Variants in FRAS1 observed in about 807,000 individuals in gnomAD.
FRAS1 encodes the protein extracellular matrix organizing protein FRAS1.
Under a neutral mutation model 435.2 loss-of-function variants are expected in FRAS1, and 290 were observed. The observed-to-expected ratio is 0.67, with a 90% CI of 0.61 to 0.73. The LOEUF (loss-of-function observed/expected upper bound fraction) is 0.73, where lower values mean the gene tolerates loss of function less well. Among genes scored for constraint, FRAS1 ranks in the 30% least tolerant of loss-of-function variants. FRAS1 has a pLI of 0.00. For missense variants in FRAS1, 4,860 were observed against 5,001.5 expected (o/e 0.97, Z 0.85); for synonymous variants, 1,800 against 1,851.0 (o/e 0.97, Z 0.71).
At chr4:78,449,018 T>C (rs1262654244) in intron 44 of FRAS1, among the ~76,000 whole-genome samples, 2 of 152,236 alleles carry the variant, frequency 1.3e-5, no homozygotes, top group African/African-American at 2.4e-5. Flanking sequence ...TTGGAAAACT[T>C]GGTAGTTCTC....
chr4:78,105,407 T>A (rs914556513), intron 2 of FRAS1, among the ~76,000 whole-genome samples: 1 of 152,192 alleles, frequency 6.6e-6, no homozygotes, highest in African/African-American at 2.4e-5. Flanking sequence ...TTTATTTTTT[T>A]CTCTCTCAAT....
At chr4:78,469,938 C>A (rs1455879153) in intron 50 of FRAS1, 40 bp from the exon 51 acceptor site, 2 of 1,440,664 alleles carry the variant, frequency 1.4e-6, no homozygotes, top group Non-Finnish European at 9.7e-7. Flanking sequence ...ACTTCAGGTA[C>A]TTGTGAATGA....
At chr4:78,366,600 G>T (rs1731279145) in intron 22 of FRAS1, among the ~76,000 whole-genome samples, 1 of 152,186 alleles carries the variant, frequency 6.6e-6, no homozygotes, top group South Asian at 2.1e-4. Context: ...GTTTAAGAAG[G>T]TGATTGAACC....
chr4:78,088,035 G>C (rs1345023707), intron 2 of FRAS1, among the ~76,000 whole-genome samples: 2 of 152,134 alleles, frequency 1.3e-5, no homozygotes, highest in Non-Finnish European at 2.9e-5. Flanking sequence ...ATACTACAAG[G>C]CTGGTACTGG....
intron 29 of FRAS1, among the ~76,000 whole-genome samples, chr4:78,392,265 T>A (rs1023052726): frequency 6.6e-6 from 1 of 152,192 alleles, no homozygotes; most frequent in African/African-American, 2.4e-5. Flanking sequence ...ATAGCTATGA[T>A]ATAAATGAGA....
chr4:78,160,855 G>A (rs539079850), intron 2 of FRAS1, among the ~76,000 whole-genome samples: 2 of 152,220 alleles, frequency 1.3e-5, no homozygotes, highest in South Asian at 4.2e-4. Context: ...ATAAAAAGAT[G>A]GGCTGGGCAC....
At chr4:78,387,299 A>G in intron 28 of FRAS1, 76 bp from the exon 29 acceptor site, 2 of 1,069,206 alleles carry the variant, frequency 1.9e-6, no homozygotes, top group Non-Finnish European at 2.8e-6. Flanking sequence ...GTATAGGAAT[A>G]ACAATCAGGT....
intron 41 of FRAS1, among the ~76,000 whole-genome samples, chr4:78,443,657 T>C (rs969869551): frequency 1.3e-5 from 2 of 152,236 alleles, no homozygotes; most frequent in Admixed American, 6.5e-5. Flanking sequence ...TCATATGTTC[T>C]GTTTAAGAAA....
At chr4:78,240,034 A>G (rs888033176) in intron 3 of FRAS1, among the ~76,000 whole-genome samples, 1 of 151,998 alleles carries the variant, frequency 6.6e-6, no homozygotes, top group Non-Finnish European at 1.5e-5. Context: ...AACACCTGAC[A>G]CATGGTAGGC....
At chr4:78,077,717 T>G (rs1740713306) in intron 2 of FRAS1, among the ~76,000 whole-genome samples, 1 of 152,128 alleles carries the variant, frequency 6.6e-6, no homozygotes, top group Non-Finnish European at 1.5e-5. Flanking sequence ...GTCTCAATTG[T>G]TTCACTTATA....
At chr4:78,403,357 C>CT (rs1222669066) in intron 30 of FRAS1, among the ~76,000 whole-genome samples, 1 of 152,100 alleles carries the variant, frequency 6.6e-6, no homozygotes, top group Non-Finnish European at 1.5e-5. Context: ...TGCTGTAACT[C>CT]TTTTAATTAA....
chr4:78,407,547 A>G lies in FRAS1; in HGVS notation c.4130-116A>G, dbSNP rs1427425657. 61 of 771,994 alleles carry G rather than the reference A, an allele frequency of 7.9e-5. No individual in the cohort carries two copies. In the East Asian group the frequency reaches 1.6e-3, roughly 20 times the overall value. The allele number at this position is 771,994 out of a possible 1,614,324, so 47.8% of individuals were successfully genotyped here. A position where few individuals can be genotyped will look rare whatever the true frequency, so the allele number is the denominator to read the frequency against. On this transcript the variant is annotated intron_variant, in intron 30 of 73. Transcript: ENST00000512123. ...ATCCTCTCCTTCACCTTAGACAAAA[A>G]TAAAGAAGTACATCATTTCTTTCTA...
Position 78,245,289 on chromosome 4 carries a change from TC to T in FRAS1, c.275del (p.Pro92GlnfsTer83). The part of the protein sequence containing the change: ...QCCPECVLRT[P>X]GSCHHEKKIH... ...GCTGTCCTGAGTGTGTTTTGAGGAC[TC>T]CAGGATCTTGCCATCATGAAAAGAA... On this transcript the variant is annotated frameshift_variant, in exon 4 of 74. Coordinates refer to ENST00000512123, the MANE Select transcript of FRAS1 (RefSeq NM_025074.7). LOFTEE classifies it high-confidence loss of function. 1.9e-6 allele frequency: 3 copies of T among 1,608,802 alleles called. No individual in the cohort carries two copies. The highest frequency in any genetic ancestry group is 2.2e-5 in the South Asian group (2 of 89,624).
At chr4:78,114,023 A>G (rs1207935449) in intron 2 of FRAS1, among the ~76,000 whole-genome samples, 3 of 152,110 alleles carry the variant, frequency 2.0e-5, no homozygotes, top group Non-Finnish European at 4.4e-5. Context: ...TAAGGAAGGG[A>G]TCTAGTTTCA....
chr4:78,166,048 C>A (rs753013876), intron 2 of FRAS1, among the ~76,000 whole-genome samples: 2 of 152,118 alleles, frequency 1.3e-5, no homozygotes, highest in Non-Finnish European at 2.9e-5. Context: ...TTACTACAGG[C>A]CCCTCTCAGT....
At chr4:78,273,931 A>T (rs555389077) in intron 9 of FRAS1, among the ~76,000 whole-genome samples, 11 of 152,240 alleles carry the variant, frequency 7.2e-5, no homozygotes, top group Admixed American at 3.3e-4. Context: ...TCGGCTGTGA[A>T]TCCATCTGGT....
intron 2 of FRAS1, among the ~76,000 whole-genome samples, chr4:78,195,941 T>C (rs1722791313): frequency 8.1e-6 from 1 of 123,990 alleles, no homozygotes; most frequent in South Asian, 2.9e-4. Flanking sequence ...GTTGTTATTC[T>C]TATTACTTTT....
In FRAS1 at chr4:78,446,803, ATTC is replaced by A. The variant is rs1258015945; in HGVS notation, c.5939_5941del (p.Ser1980del). ...CTGAGCTCGGGAGTGGTGATAAGCA[ATTC>A]TTCTTTGAGCCTGCAAGACCTGGAC... On this transcript the variant is annotated inframe_deletion, in exon 43 of 74. Coordinates refer to ENST00000512123, the MANE Select transcript of FRAS1 (RefSeq NM_025074.7). The A allele has an allele frequency of 1.2e-6, 2 of 1,613,214 alleles. No homozygotes were observed. Among genetic ancestry groups the A allele is most frequent in the South Asian group, 1.1e-5 (1 of 90,876 alleles).
chr4:78,201,171 C>G (rs1723037402), intron 2 of FRAS1, among the ~76,000 whole-genome samples: 1 of 152,054 alleles, frequency 6.6e-6, no homozygotes, highest in Admixed American at 6.5e-5. Context: ...GGGATCATGT[C>G]TTATCCTTTT....
Sources: gnomAD v4.1 joint callset for allele counts (sites outside exome capture counted in the v4.1 genomes callset) on GRCh38, gnomAD v4.1.1 for gene constraint, MANE v1.5 for transcripts, NCBI Gene and HGNC (gene_info 2026-07-23, HGNC 2026-07-21) for gene names.